Variants in SPRY3 observed in about 807,000 individuals in gnomAD.
The protein encoded by SPRY3 is sprouty RTK signaling antagonist 3.
SPRY3 carries 15 observed loss-of-function variants against 20.2 expected under a neutral mutation model. That is an observed-to-expected ratio of 0.74 (90% confidence interval 0.50 to 1.14). SPRY3 has a LOEUF of 1.14. SPRY3 is among the 50% of genes most tolerant of loss of function. The pLI, the probability that SPRY3 is intolerant of heterozygous loss-of-function variation, is 0.00. For synonymous variants in SPRY3, 143 were observed against 136.5 expected (o/e 1.05, Z -0.33); for missense variants, 364 against 363.9 (o/e 1.00, Z 0.00).
exon 4 of SPRY3, chrX:155,774,865 A>G: frequency 1.8e-6 from 2 of 1,115,504 alleles, no homozygotes; most frequent in South Asian, 3.1e-5. Context: ...TTGTTCCTGC[A>G]GTGTCAGGGG....
At chrX:155,738,003 A>G (rs1442367348) in intron 2 of SPRY3, among the ~76,000 whole-genome samples, 1 of 152,188 alleles carries the variant, frequency 6.6e-6, no homozygotes. Context: ...CCTTTAAAAA[A>G]TAATTAGGAC....
chrX:155,659,322 T>A (rs1557353398), intron 2 of SPRY3, among the ~76,000 whole-genome samples: 5 of 109,501 alleles, frequency 4.6e-5, no homozygotes, highest in Non-Finnish European at 3.8e-5. Flanking sequence ...TTTTTTGTAT[T>A]TTTTAGTAGA....
At chrX:155,768,235 G>C (rs1377210993) in intron 3 of SPRY3, 99 bp downstream of exon 2, 2 of 58 alleles carry the variant, frequency 0.034, no homozygotes, top group East Asian at 0.5. Context: ...CTCTGTGTGC[G>C]TGTGTGTGCC....
chrX:155,779,836 T>C (rs190398915), downstream of SPRY3: 1 of 167,136 alleles, frequency 6.0e-6, no homozygotes, highest in African/African-American at 2.4e-5. Flanking sequence ...GTTCCCTGTG[T>C]CCTATAGATC....
At chrX:155,715,352 T>G (rs2124546663) in intron 2 of SPRY3, among the ~76,000 whole-genome samples, 1 of 152,040 alleles carries the variant, frequency 6.6e-6, no homozygotes, top group South Asian at 2.1e-4. Context: ...TGGCTCAGGG[T>G]GTGTCTAGAA....
chrX:155,780,365 A>G (rs1427341497), downstream of SPRY3: 1 of 166,952 alleles, frequency 6.0e-6, no homozygotes, highest in African/African-American at 2.4e-5. Flanking sequence ...GATGGGGTTG[A>G]CCATATGTGA....
intron 2 of SPRY3, among the ~76,000 whole-genome samples, chrX:155,740,015 T>C (rs1398097469): frequency 6.6e-6 from 1 of 152,092 alleles, no homozygotes; most frequent in Non-Finnish European, 1.5e-5. Context: ...TAATAATGTG[T>C]TGTGGGAAGT....
intron 2 of SPRY3, among the ~76,000 whole-genome samples, chrX:155,754,021 C>A (rs1416687440): frequency 6.6e-6 from 1 of 151,828 alleles, no homozygotes; most frequent in Non-Finnish European, 1.5e-5. Context: ...TAAACATTTT[C>A]TCCTATTCTG....
chrX:155,671,099 G>A (rs2068039098), intron 2 of SPRY3, among the ~76,000 whole-genome samples: 1 of 111,780 alleles, frequency 8.9e-6, no homozygotes, highest in African/African-American at 3.2e-5. Flanking sequence ...TTTAGAAGGT[G>A]CTGAGACAAT....
intron 2 of SPRY3, among the ~76,000 whole-genome samples, chrX:155,735,319 A>G (rs1349771395): frequency 6.6e-6 from 1 of 152,020 alleles, no homozygotes; most frequent in South Asian, 2.1e-4. Context: ...TATAGAATTG[A>G]CATTCTATGT....
At chrX:155,657,333 A>G (rs1201251111) in intron 2 of SPRY3, among the ~76,000 whole-genome samples, 15 of 111,929 alleles carry the variant, frequency 1.3e-4, no homozygotes, top group Admixed American at 1.2e-3. Context: ...AGGAATCTAG[A>G]GAGGCAGTCT....
intron 1 of SPRY3, among the ~76,000 whole-genome samples, chrX:155,621,823 C>T (rs1298224862): frequency 2.7e-5 from 3 of 111,745 alleles, no homozygotes; most frequent in Admixed American, 9.5e-5. Flanking sequence ...CAAAGGTATT[C>T]AAGGGTCTCT....
At chrX:155,706,975 T>C (rs1327242737) in intron 2 of SPRY3, among the ~76,000 whole-genome samples, 1 of 151,172 alleles carries the variant, frequency 6.6e-6, no homozygotes, top group Admixed American at 6.6e-5. Flanking sequence ...ATTACATTTT[T>C]TCTTTTCTAT....
chrX:155,709,568 T>A (rs932743745), intron 2 of SPRY3, among the ~76,000 whole-genome samples: 1 of 151,824 alleles, frequency 6.6e-6, no homozygotes, highest in Non-Finnish European at 1.5e-5. Flanking sequence ...TATCAATTCC[T>A]TGTCAGATGA....
chrX:155,780,104 A>G (rs769188724), downstream of SPRY3: 1 of 167,138 alleles, frequency 6.0e-6, no homozygotes, highest in African/African-American at 2.4e-5. Context: ...TCCAAGTTAT[A>G]TATGTTTGCT....
intron 2 of SPRY3, among the ~76,000 whole-genome samples, chrX:155,714,100 CTTT>C (rs2091005162): frequency 6.6e-6 from 1 of 152,150 alleles, no homozygotes; most frequent in South Asian, 2.1e-4. Flanking sequence ...TGAAGTTCTT[CTTT>C]ATGTTTTTTT....
intron 1 of SPRY3, among the ~76,000 whole-genome samples, chrX:155,626,435 A>G (rs1335795285): frequency 1.8e-5 from 2 of 111,712 alleles, no homozygotes; most frequent in African/African-American, 6.5e-5. Context: ...AGCATTTTAC[A>G]TATTCTAGAT....
exon 4 of SPRY3, chrX:155,775,487 A>G (rs1292415871): frequency 6.0e-6 from 1 of 167,018 alleles, no homozygotes; most frequent in African/African-American, 2.4e-5. Flanking sequence ...ATGCTATACT[A>G]TTTACTAATT....
chrX:155,693,395 G>A (rs2068109504), intron 2 of SPRY3, among the ~76,000 whole-genome samples: 1 of 111,819 alleles, frequency 8.9e-6, no homozygotes, highest in African/African-American at 3.2e-5. Context: ...TTATGACCCA[G>A]AATATAGCCC....
Sources: gnomAD v4.1 joint callset for allele counts (sites outside exome capture counted in the v4.1 genomes callset) on GRCh38, gnomAD v4.1.1 for gene constraint, MANE v1.5 for transcripts, NCBI Gene and HGNC (gene_info 2026-07-23, HGNC 2026-07-21) for gene names.